The following MAP7D2 variants were observed in gnomAD, a reference collection of about 807,000 sequenced individuals.
The protein encoded by MAP7D2 is MAP7 domain-containing protein 2.
MAP7D2 carries 33 observed loss-of-function variants against 63.5 expected under a neutral mutation model. That is an observed-to-expected ratio of 0.52 (90% confidence interval 0.39 to 0.70). MAP7D2 has a LOEUF of 0.70. MAP7D2 is among the 30% of genes least tolerant of loss of function. MAP7D2 has a pLI of 0.00. For synonymous variants in MAP7D2, 224 were observed against 223.7 expected (o/e 1.00, Z -0.01); for missense variants, 626 against 604.0 (o/e 1.04, Z -0.38).
At chrX:20,094,345 A>T (rs1285659242) in intron 1 of MAP7D2, among the ~76,000 whole-genome samples, 1 of 103,042 alleles carries the variant, frequency 9.7e-6, no homozygotes, top group Non-Finnish European at 2.0e-5. Flanking sequence ...TCCATAAAAC[A>T]AGGCCTCACG....
rs2073258732 is a variant in MAP7D2 at position 20,013,099 on chromosome X, C to T, written c.1840G>A (p.Val614Met). 5.0e-6 allele frequency: 6 copies of T among 1,211,290 alleles called. 1 individual carries two copies. In the Admixed American group the frequency reaches 1.1e-4, roughly 22 times the overall value. The change falls in exon 14 of 17, where the codon GTG becomes ATG. Residue 614 changes from valine (V) to methionine (M), a missense_variant. Physicochemically the swap from Val to Met is conservative, Grantham distance 21. Coordinates refer to ENST00000379643, the MANE Select transcript of MAP7D2 (RefSeq NM_001168465.2). The part of the protein sequence containing the change: ...EDPKVGVQPA[V>M]CVEKKTKLVV... ...AGTTTTGTCTTCTTTTCCACACACACAGCAGGCTGGACCCCCACTTTGGGG... is the reference window on the plus strand; with the variant it reads ...AGTTTTGTCTTCTTTTCCACACACATAGCAGGCTGGACCCCCACTTTGGGG...
chrX:20,035,886 C>G (rs2074211182), intron 8 of MAP7D2, among the ~76,000 whole-genome samples: 1 of 108,555 alleles, frequency 9.2e-6, no homozygotes, highest in African/African-American at 3.4e-5. Flanking sequence ...GCACTCCAGC[C>G]TGGGCGACAG....
At chrX:20,066,671 C>T in intron 1 of MAP7D2, among the ~76,000 whole-genome samples, 1 of 111,735 alleles carries the variant, frequency 8.9e-6, no homozygotes, top group East Asian at 2.8e-4. Flanking sequence ...CAGCACTGCC[C>T]TTTCTCCCAT....
chrX:20,064,060 A>G (rs1280601424), intron 2 of MAP7D2, among the ~76,000 whole-genome samples: 1 of 112,349 alleles, frequency 8.9e-6, no homozygotes, highest in Non-Finnish European at 1.9e-5. Flanking sequence ...ACACACGAAC[A>G]AAATTTGCCT....
intron 1 of MAP7D2, among the ~76,000 whole-genome samples, chrX:20,090,188 G>A (rs1258866228): frequency 9.1e-6 from 1 of 110,304 alleles, no homozygotes; most frequent in East Asian, 2.8e-4. Flanking sequence ...GGAGCTTTAA[G>A]ATGTACAAAT....
intron 1 of MAP7D2, among the ~76,000 whole-genome samples, chrX:20,115,826 T>A (rs1330359396): frequency 8.9e-6 from 1 of 112,278 alleles, no homozygotes; most frequent in African/African-American, 3.2e-5. Context: ...TGTGGTTTTT[T>A]AAATGCATAT....
At chrX:20,048,236 C>T (rs1280544465) in intron 6 of MAP7D2, among the ~76,000 whole-genome samples, 1 of 112,065 alleles carries the variant, frequency 8.9e-6, no homozygotes, top group Non-Finnish European at 1.9e-5. Flanking sequence ...TTCTGGGAAC[C>T]TGGAATTTGG....
chrX:20,012,844 T>C (rs1044252301), intron 14 of MAP7D2, among the ~76,000 whole-genome samples: 13 of 112,126 alleles, frequency 1.2e-4, no homozygotes, highest in Non-Finnish European at 2.3e-4. Context: ...CCTCCTATGC[T>C]GGGATTATGG....
intron 1 of MAP7D2, among the ~76,000 whole-genome samples, chrX:20,068,180 G>A (rs2065407474): frequency 8.9e-6 from 1 of 112,308 alleles, no homozygotes; most frequent in Non-Finnish European, 1.9e-5. Context: ...GTAGCCATGA[G>A]CTATACATGG....
At chrX:20,053,401 G>A (rs763054777) in intron 4 of MAP7D2, among the ~76,000 whole-genome samples, 2 of 111,920 alleles carry the variant, frequency 1.8e-5, no homozygotes, top group Non-Finnish European at 1.9e-5. Context: ...GACTGTCACC[G>A]CTTGCTGAAA....
intron 1 of MAP7D2, among the ~76,000 whole-genome samples, chrX:20,081,757 A>T (rs1457632695): frequency 9.2e-6 from 1 of 108,768 alleles, no homozygotes; most frequent in Non-Finnish European, 1.9e-5. Flanking sequence ...GGATCAAGGG[A>T]TTCTTGTGCT....
At chrX:20,074,926 G>T (rs2065605915) in intron 1 of MAP7D2, among the ~76,000 whole-genome samples, 1 of 110,765 alleles carries the variant, frequency 9.0e-6, no homozygotes, top group Non-Finnish European at 1.9e-5. Flanking sequence ...GGTGGTGTGT[G>T]CCTGTAGTCC....
At chrX:20,052,081 C>G (rs1481357968) in intron 5 of MAP7D2, among the ~76,000 whole-genome samples, 2 of 112,166 alleles carry the variant, frequency 1.8e-5, no homozygotes, top group Admixed American at 1.9e-4. Context: ...CAGCCTCTGC[C>G]AAGTCGCAAC....
chrX:20,086,014 G>A (rs959983201), intron 1 of MAP7D2, among the ~76,000 whole-genome samples: 3 of 112,285 alleles, frequency 2.7e-5, no homozygotes, highest in Admixed American at 9.4e-5. Context: ...GCAGGCCTGC[G>A]CAGTTTTTTT....
intron 8 of MAP7D2, 25 bp downstream of exon 8, chrX:20,042,477 T>G: frequency 5.0e-6 from 6 of 1,208,892 alleles, no homozygotes; most frequent in Non-Finnish European, 6.7e-6. Context: ...AGTCAGACTG[T>G]CTGGCAAAGG....
intron 8 of MAP7D2, among the ~76,000 whole-genome samples, chrX:20,031,117 C>T (rs1340178475): frequency 9.1e-6 from 1 of 109,627 alleles, no homozygotes; most frequent in African/African-American, 3.3e-5. Context: ...GGTGAAACCC[C>T]GTCTCTACTA....
chrX:20,047,646 T>TAAAAAAAAAA (rs2064833668), intron 6 of MAP7D2, among the ~76,000 whole-genome samples: 1 of 62,493 alleles, frequency 1.6e-5, no homozygotes, highest in Non-Finnish European at 2.8e-5. Flanking sequence ...ACCCTATCTC[T>TAAAAAAAAAA]ACAAAAAAAA....
chrX:20,061,223 C>T (rs1358794754), intron 3 of MAP7D2, among the ~76,000 whole-genome samples: 1 of 109,664 alleles, frequency 9.1e-6, no homozygotes, highest in Admixed American at 9.7e-5. Context: ...CAGAGCTCCC[C>T]TTGAATCATA....
intron 1 of MAP7D2, among the ~76,000 whole-genome samples, chrX:20,094,951 A>G (rs1208558114): frequency 9.2e-6 from 1 of 109,097 alleles, no homozygotes; most frequent in Non-Finnish European, 1.9e-5. Context: ...TAGTCCTAAG[A>G]GGCTATAAAA....
Sources: allele counts gnomAD v4.1 joint callset (sites outside exome capture counted in the v4.1 genomes callset), GRCh38; gene constraint gnomAD v4.1.1; transcripts MANE v1.5; gene names NCBI Gene and HGNC (gene_info 2026-07-23, HGNC 2026-07-21).